The following APMAP variants were observed in gnomAD, a reference collection of about 807,000 sequenced individuals.
The protein encoded by APMAP is adipocyte plasma membrane-associated protein.
In APMAP, 33 loss-of-function variants were observed where a neutral mutation model predicts 43.6. The observed-to-expected ratio is 0.76, with a 90% CI of 0.57 to 1.01. APMAP has a LOEUF of 1.01. Ranked by LOEUF, APMAP falls within the 50% of genes least tolerant of loss-of-function variation. The pLI, the probability that APMAP is intolerant of heterozygous loss-of-function variation, is 0.00. For synonymous variants in APMAP, 224 were observed against 216.7 expected, an observed-to-expected ratio of 1.03 and a Z score of -0.30; for missense variants, 498 against 540.7, an observed-to-expected ratio of 0.92 and a Z score of 0.78.
At position 24,970,245 on chromosome 20, in the gene APMAP, T is replaced by G. The variant is rs1402178166; in HGVS notation, c.665A>C (p.Gln222Pro). The change falls in exon 6 of 9, where the codon CAA becomes CCA. Residue 222 changes from glutamine (Q) to proline (P), a missense_variant. By Grantham distance (76) the Gln-to-Pro change is moderately conservative. Transcript: ENST00000217456. ...CACCAGAAGCAGGTAGTCTCGTCTTTGCCATTTGCTGCTAGAATCGGTGAA... is the reference window on the plus strand; with the variant it reads ...CACCAGAAGCAGGTAGTCTCGTCTTGGCCATTTGCTGCTAGAATCGGTGAA... ...IYFTDSSSKW[Q>P]RRDYLLLVME... The G allele has an allele frequency of 3.7e-6, 6 of 1,614,066 alleles. No individual in the cohort carries two copies. The African/African-American group carries it at 6.7e-5, about 18-fold the overall frequency.
chr20:24,986,780 T>G (rs1600290936), intron 1 of APMAP, among the ~76,000 whole-genome samples: 2 of 152,226 alleles, frequency 1.3e-5, no homozygotes, highest in South Asian at 4.1e-4. Context: ...CCACAGCCAA[T>G]GCAAGAGCTG....
rs200956189 is a variant in APMAP, at chr20:24,964,034, C to T, written c.1042-12G>A. The T allele has an allele frequency of 3.7e-6, 6 of 1,613,760 alleles. No individual in the cohort carries two copies. The East Asian group carries it at 1.3e-4, about 36-fold the overall frequency. ...TCTTGACTAAAGAGCTAGAGGGAAG[C>T]ACAGTGCAGGGAAAGTTCACCAGCT... On this transcript the variant is annotated splice_polypyrimidine_tract_variant and intron_variant, in intron 8 of 8. Coordinates refer to ENST00000217456, the MANE Select transcript of APMAP (RefSeq NM_020531.3).
intron 3 of APMAP, 95 bp from the exon 4 acceptor site, chr20:24,973,832 C>T (rs1458633601): frequency 1.9e-6 from 2 of 1,048,730 alleles, no homozygotes; most frequent in African/African-American, 1.6e-5. Flanking sequence ...TACATGTTCC[C>T]CCTGCCCTAT....
chr20:24,970,064 C>T, intron 6 of APMAP, 133 bp downstream of exon 6: 1 of 1,159,450 alleles, frequency 8.6e-7, no homozygotes, highest in Admixed American at 2.4e-5. Context: ...CCAGAAGCCA[C>T]TAAGGTCCTG....
rs2088126495 is a variant in APMAP, at chr20:24,983,965, G to T, written c.150C>A (p.Leu50=). The change falls in exon 2 of 9, where the codon CTC becomes CTA. Residue 50 remains leucine (L), a synonymous_variant. Transcript: ENST00000217456. ...RVTFLMLAVS[L]TVPLLGAMML... Reference sequence around the variant, plus strand: ...TCATGGCTCCAAGCAGGGGAACGGTGAGAGAAACAGCCAGCATCAAGAAGG... The same window carrying T: ...TCATGGCTCCAAGCAGGGGAACGGTTAGAGAAACAGCCAGCATCAAGAAGG... 1 of 1,614,048 alleles carries T rather than the reference G, an allele frequency of 6.2e-7. No individual in the cohort carries two copies.
chr20:24,992,320 C>G (rs1417692725), intron 1 of APMAP, among the ~76,000 whole-genome samples: 1 of 152,172 alleles, frequency 6.6e-6, no homozygotes, highest in Non-Finnish European at 1.5e-5. Flanking sequence ...AAAGGAGCGG[C>G]GCGAGGCGGT....
chr20:24,991,539 C>T (rs568485434), intron 1 of APMAP, among the ~76,000 whole-genome samples: 77 of 152,300 alleles, frequency 5.1e-4, no homozygotes, highest in African/African-American at 1.8e-3. Context: ...TCCTTCCTGC[C>T]ATCGCTCTCC....
chr20:24,973,588 T>A (rs1458784090), intron 4 of APMAP, 57 bp downstream of exon 4: 1 of 1,535,468 alleles, frequency 6.5e-7, no homozygotes, highest in Non-Finnish European at 9.0e-7. Context: ...CACACAACGA[T>A]CCAACATCTT....
At chr20:24,976,427 G>A (rs1275968128) in intron 3 of APMAP, among the ~76,000 whole-genome samples, 2 of 152,122 alleles carry the variant, frequency 1.3e-5, no homozygotes. Context: ...CAGATGGCAG[G>A]TAGGCATATG....
At chr20:24,978,074 T>G (rs1322123923) in intron 3 of APMAP, among the ~76,000 whole-genome samples, 1 of 152,210 alleles carries the variant, frequency 6.6e-6, no homozygotes, top group East Asian at 1.9e-4. Context: ...TGGAGAACAG[T>G]GTGCTTCAGA....
chr20:24,989,805 C>T (rs961196133), intron 1 of APMAP, among the ~76,000 whole-genome samples: 8 of 152,290 alleles, frequency 5.3e-5, no homozygotes, highest in African/African-American at 1.7e-4. Context: ...ACAAACACTC[C>T]AGCTGCCTTA....
intron 8 of APMAP, among the ~76,000 whole-genome samples, chr20:24,965,972 G>A (rs186517407): frequency 2.0e-5 from 3 of 152,318 alleles, no homozygotes; most frequent in Non-Finnish European, 4.4e-5. Flanking sequence ...GTGTGTGTGT[G>A]ATGTCTACGC....
At chr20:24,992,115 A>G (rs1259514735) in intron 1 of APMAP, among the ~76,000 whole-genome samples, 3 of 152,246 alleles carry the variant, frequency 2.0e-5, no homozygotes, top group Non-Finnish European at 4.4e-5. Context: ...ATAACGAGGC[A>G]GGACCCCAGC....
chr20:24,980,471 T>C (rs1444128206), intron 2 of APMAP, among the ~76,000 whole-genome samples: 9 of 149,324 alleles, frequency 6.0e-5, no homozygotes, highest in East Asian at 2.0e-4. Flanking sequence ...GGGGTCACCA[T>C]AGTCAAGAGG....
chr20:24,971,389 A>C, intron 5 of APMAP, 71 bp downstream of exon 5: 1 of 1,314,418 alleles, frequency 7.6e-7, no homozygotes, highest in South Asian at 1.3e-5. Context: ...AATCCTATTA[A>C]GTCTACACAT....
chr20:24,980,291 C>T (rs1349306715), intron 2 of APMAP, among the ~76,000 whole-genome samples: 4 of 152,228 alleles, frequency 2.6e-5, no homozygotes, highest in South Asian at 2.1e-4. Context: ...AGGAGCTAAG[C>T]GTTGGGGAAA....
intron 2 of APMAP, among the ~76,000 whole-genome samples, chr20:24,980,283 G>A (rs1228906777): frequency 1.3e-5 from 2 of 152,232 alleles, no homozygotes; most frequent in Non-Finnish European, 2.9e-5. Context: ...GAACAGGAAG[G>A]AGCTAAGCGT....
intron 3 of APMAP, among the ~76,000 whole-genome samples, chr20:24,976,135 G>A (rs1305377570): frequency 6.6e-6 from 1 of 151,974 alleles, no homozygotes; most frequent in Non-Finnish European, 1.5e-5. Context: ...TAACACCTAG[G>A]GTATGATGAT....
At chr20:24,980,229 C>T (rs1469914510) in intron 2 of APMAP, among the ~76,000 whole-genome samples, 3 of 152,204 alleles carry the variant, frequency 2.0e-5, no homozygotes, top group African/African-American at 4.8e-5. Context: ...GAATATCTTC[C>T]GATTATCCCC....
Sources: gnomAD v4.1 joint callset for allele counts (sites outside exome capture counted in the v4.1 genomes callset) on GRCh38, gnomAD v4.1.1 for gene constraint, MANE v1.5 for transcripts, NCBI Gene and HGNC (gene_info 2026-07-23, HGNC 2026-07-21) for gene names.